Variants in MAGI2 observed in about 807,000 individuals in gnomAD.
MAGI2 encodes the protein membrane-associated guanylate kinase, WW and PDZ domain-containing protein 2.
A neutral mutation model predicts 133.3 loss-of-function variants in MAGI2; 35 were observed. That is an observed-to-expected ratio of 0.26 (90% CI 0.20 to 0.35). The LOEUF (loss-of-function observed/expected upper bound fraction) is 0.35, where lower values mean the gene tolerates loss of function less well. Among genes scored for constraint, MAGI2 ranks in the 10% least tolerant of loss-of-function variants. The pLI, the probability that MAGI2 is intolerant of heterozygous loss-of-function variation, is 1.00. For missense variants in MAGI2, 1,636 were observed against 1,863.4 expected, an observed-to-expected ratio of 0.88 and a Z score of 2.25; for synonymous variants, 729 against 710.6, an observed-to-expected ratio of 1.03 and a Z score of -0.41.
intron 1 of MAGI2, among the ~76,000 whole-genome samples, chr7:79,421,645 A>C (rs1221574191): frequency 6.6e-6 from 1 of 151,888 alleles, no homozygotes; most frequent in Admixed American, 6.6e-5. Context: ...ATCTCATTGC[A>C]ATACAGCTAC....
chr7:78,738,689 G>T (rs942848889), intron 2 of MAGI2, among the ~76,000 whole-genome samples: 1 of 152,086 alleles, frequency 6.6e-6, no homozygotes, highest in Non-Finnish European at 1.5e-5. Context: ...GATGAAAAAA[G>T]GATGGCTCAA....
At chr7:78,406,556 T>C (rs552722518) in intron 6 of MAGI2, among the ~76,000 whole-genome samples, 13 of 152,190 alleles carry the variant, frequency 8.5e-5, no homozygotes, top group African/African-American at 3.1e-4. Context: ...TCCTATGACA[T>C]GAAAGATAGA....
intron 1 of MAGI2, among the ~76,000 whole-genome samples, chr7:79,083,089 C>T (rs1349740102): frequency 6.6e-6 from 1 of 151,350 alleles, no homozygotes; most frequent in Non-Finnish European, 1.5e-5. Flanking sequence ...GTGTATTCCT[C>T]AGGATTTTCA....
At chr7:78,638,785 T>C (rs963748445) in intron 2 of MAGI2, among the ~76,000 whole-genome samples, 2 of 152,216 alleles carry the variant, frequency 1.3e-5, no homozygotes, top group African/African-American at 4.8e-5. Flanking sequence ...AATTAATTTA[T>C]TTTTGAACTT....
chr7:78,412,801 T>G (rs1410723234), intron 6 of MAGI2, among the ~76,000 whole-genome samples: 2 of 152,092 alleles, frequency 1.3e-5, no homozygotes, highest in Non-Finnish European at 2.9e-5. Context: ...AAACCTAAAT[T>G]GTTTTATAAG....
At chr7:79,217,600 T>C (rs945434717) in intron 1 of MAGI2, among the ~76,000 whole-genome samples, 1 of 152,034 alleles carries the variant, frequency 6.6e-6, no homozygotes, top group Non-Finnish European at 1.5e-5. Context: ...AGAGTTGGAA[T>C]GTAAACCAGG....
At chr7:78,640,278 A>C (rs1402842700) in intron 2 of MAGI2, among the ~76,000 whole-genome samples, 1 of 152,086 alleles carries the variant, frequency 6.6e-6, no homozygotes, top group Non-Finnish European at 1.5e-5. Context: ...GAATAAAACT[A>C]TCCTGTAATA....
intron 2 of MAGI2, among the ~76,000 whole-genome samples, chr7:78,740,139 T>C (rs1000732161): frequency 2.0e-5 from 3 of 151,248 alleles, no homozygotes; most frequent in East Asian, 1.9e-4. Flanking sequence ...CCAGCCTGGG[T>C]GACAGAGCCA....
chr7:79,253,753 T>A (rs182883477), intron 1 of MAGI2, among the ~76,000 whole-genome samples: 1 of 152,308 alleles, frequency 6.6e-6, no homozygotes, highest in Non-Finnish European at 1.5e-5. Context: ...TTAAAAATCC[T>A]CTCTAACTCC....
intron 6 of MAGI2, among the ~76,000 whole-genome samples, chr7:78,397,733 G>C (rs1053636669): frequency 6.6e-6 from 1 of 152,072 alleles, no homozygotes; most frequent in African/African-American, 2.4e-5. Flanking sequence ...GGTGACTCCA[G>C]TTTCGCTTCT....
chr7:78,913,998 T>C (rs1798604877), intron 2 of MAGI2, among the ~76,000 whole-genome samples: 1 of 152,144 alleles, frequency 6.6e-6, no homozygotes, highest in Non-Finnish European at 1.5e-5. Context: ...TGGGAAAGCT[T>C]GGGAAATATC....
chr7:78,396,239 T>TA (rs764451865), intron 6 of MAGI2, among the ~76,000 whole-genome samples: 34 of 152,204 alleles, frequency 2.2e-4, no homozygotes, highest in South Asian at 8.3e-4. Flanking sequence ...CATACCCCAT[T>TA]AAAAAATACC....
chr7:78,786,263 A>T (rs1203995939), intron 2 of MAGI2, among the ~76,000 whole-genome samples: 1 of 152,050 alleles, frequency 6.6e-6, no homozygotes, highest in Non-Finnish European at 1.5e-5. Context: ...CACTACTCCC[A>T]CACCCAGCAG....
At chr7:78,275,493 A>G (rs1320485668) in intron 9 of MAGI2, among the ~76,000 whole-genome samples, 1 of 151,868 alleles carries the variant, frequency 6.6e-6, no homozygotes, top group Non-Finnish European at 1.5e-5. Flanking sequence ...AGAATTACTC[A>G]GTGACAGAAT....
chr7:79,054,784 T>G (rs1011971141), intron 1 of MAGI2, among the ~76,000 whole-genome samples: 2 of 152,216 alleles, frequency 1.3e-5, no homozygotes, highest in African/African-American at 2.4e-5. Flanking sequence ...ACTTTGTCTT[T>G]GGGTCCCAAT....
At chr7:78,101,403 G>A (rs529201286) in intron 20 of MAGI2, among the ~76,000 whole-genome samples, 1 of 152,120 alleles carries the variant, frequency 6.6e-6, no homozygotes, top group Admixed American at 6.5e-5. Flanking sequence ...CATGCATATG[G>A]GGTCAACTAA....
chr7:78,047,069 C>A (rs3807774), intron 21 of MAGI2, among the ~76,000 whole-genome samples: 10,138 of 152,094 alleles, frequency 0.067, 343 homozygotes, highest in South Asian at 0.078. Flanking sequence ...CCACATCAAC[C>A]GGATGTAACA....
chr7:78,295,150 T>C (rs1404625267), intron 9 of MAGI2, among the ~76,000 whole-genome samples: 1 of 152,208 alleles, frequency 6.6e-6, no homozygotes, highest in African/African-American at 2.4e-5. Flanking sequence ...TAGGTATAAC[T>C]GACTATAATT....
At chr7:78,198,780 G>GT (rs934451668) in intron 11 of MAGI2, among the ~76,000 whole-genome samples, 1 of 152,190 alleles carries the variant, frequency 6.6e-6, no homozygotes, top group African/African-American at 2.4e-5. Flanking sequence ...ACTGTAGAAA[G>GT]TGGGGTAGTT....
Sources: gnomAD v4.1 joint callset for allele counts (sites outside exome capture counted in the v4.1 genomes callset) on GRCh38, gnomAD v4.1.1 for gene constraint, MANE v1.5 for transcripts, NCBI Gene and HGNC (gene_info 2026-07-23, HGNC 2026-07-21) for gene names.